Variants in EHMT1 observed in about 807,000 individuals in gnomAD.
EHMT1 encodes histone-lysine N-methyltransferase EHMT1.
A neutral mutation model predicts 147.2 loss-of-function variants in EHMT1; 15 were observed. The ratio of observed to expected loss-of-function variants is 0.10; its 90% confidence interval spans 0.07 to 0.16. The LOEUF is 0.16. EHMT1 is among the 10% of genes least tolerant of loss of function. The pLI is 1.00. For missense variants in EHMT1, 1,587 were observed against 1,772.4 expected (o/e 0.90, Z 1.88); for synonymous variants, 795 against 709.6 (o/e 1.12, Z -1.91).
At chr9:137,663,780 ATAAC>A (rs1939335565) in intron 1 of EHMT1, among the ~76,000 whole-genome samples, 1 of 152,158 alleles carries the variant, frequency 6.6e-6, no homozygotes, top group Admixed American at 6.5e-5. Context: ...AACAATGTCT[ATAAC>A]TAGCCTTCTG....
At chr9:137,822,379 G>A (rs1172390404) in intron 25 of EHMT1, among the ~76,000 whole-genome samples, 1 of 152,072 alleles carries the variant, frequency 6.6e-6, no homozygotes, top group Non-Finnish European at 1.5e-5. Flanking sequence ...TTTATTTCTC[G>A]AGTAAATGGG....
intron 1 of EHMT1, among the ~76,000 whole-genome samples, chr9:137,623,578 G>A (rs1843072169): frequency 6.6e-6 from 1 of 151,954 alleles, no homozygotes; most frequent in South Asian, 2.1e-4. Context: ...CCACGCCTGT[G>A]CCTGGCTAAT....
In EHMT1 at chr9:137,762,730, C is replaced by G. The variant is rs1376714202; in HGVS notation, c.1557C>G (p.Leu519=). The G allele has an allele frequency of 6.2e-7, 1 of 1,614,266 alleles. No individual in the cohort carries two copies. Among genetic ancestry groups the G allele is most frequent in the Non-Finnish European group, 8.5e-7 (1 of 1,180,046 alleles). ...CAGACGGCCTCCAGGAAGTGCCTCTCTGCAGCTGCCGGATGGAAACACCGA... is the reference window on the plus strand; with the variant it reads ...CAGACGGCCTCCAGGAAGTGCCTCTGTGCAGCTGCCGGATGGAAACACCGA... ...LETDGLQEVP[L]CSCRMETPKS... is the part of the protein sequence containing the mutation. The change falls in exon 10 of 27, where the codon CTC becomes CTG. Residue 519 remains leucine, a synonymous_variant. Coordinates refer to ENST00000460843, the MANE Select transcript of EHMT1 (RefSeq NM_024757.5).
chr9:137,772,885 C>G (rs1314274569), intron 10 of EHMT1, among the ~76,000 whole-genome samples: 4 of 152,172 alleles, frequency 2.6e-5, no homozygotes, highest in South Asian at 2.1e-4. Flanking sequence ...CCAACCCTAA[C>G]TGGATCCCAT....
intron 1 of EHMT1, among the ~76,000 whole-genome samples, chr9:137,635,482 T>C (rs1468824358): frequency 6.6e-6 from 1 of 151,780 alleles, no homozygotes; most frequent in East Asian, 2.0e-4. Flanking sequence ...CCCAAAGTGT[T>C]GGGATTACAG....
At chr9:137,698,306 G>T (rs189403889) in intron 1 of EHMT1, among the ~76,000 whole-genome samples, 50 of 152,360 alleles carry the variant, frequency 3.3e-4, no homozygotes, top group Admixed American at 1.3e-3. Flanking sequence ...CTGTGATGTA[G>T]ATGTATTATT....
chr9:137,787,584 G>C lies in EHMT1; in HGVS notation c.2383-3264G>C. 1 of 476,472 alleles carries C rather than the reference G, an allele frequency of 2.1e-6. No individual in the cohort carries two copies. Among genetic ancestry groups the C allele is most frequent in the Admixed American group, 3.4e-5 (1 of 29,766 alleles). The allele number at this position is 476,472 out of a possible 1,614,324, so 29.5% of individuals were successfully genotyped here. On this transcript the variant is annotated intron_variant, in intron 15 of 26. Coordinates refer to ENST00000460843, the MANE Select transcript of EHMT1 (RefSeq NM_024757.5). This position sits in a 1 kb window ranked among gnomAD's most constrained non-coding sequence, Gnocchi z 4.2. ...CTGGTGTTTCGAGGCTGCTGTGGTC[G>C]CAGACAACCGCCTCGCCTTGGCTCC... is the stretch of plus-strand genomic sequence containing the variant.
At position 137,641,196 on chromosome 9, in the gene EHMT1, A is replaced by G. The variant is rs190727670; in HGVS notation, c.21+22147A>G. On this transcript the variant is annotated intron_variant, in intron 1 of 26. Coordinates refer to ENST00000460843, the MANE Select transcript of EHMT1 (RefSeq NM_024757.5). ...GAATGGCCAGTAAACCAGGTGAAGA[A>G]CCTGTCTGGTTCCTCAGGATGCCTC... 253 of 418,812 alleles carry G rather than the reference A, an allele frequency of 6.0e-4. 4 individuals are homozygous for G. In the East Asian group the frequency reaches 0.016, roughly 26 times the overall value. The allele number at this position is 418,812 out of a possible 1,614,324, so 25.9% of individuals were successfully genotyped here. A position where few individuals can be genotyped will look rare whatever the true frequency, so the allele number is the denominator to read the frequency against.
At chr9:137,673,576 TCCCTCCCTCAGA>T (rs1473446557) in intron 1 of EHMT1, among the ~76,000 whole-genome samples, 1 of 152,060 alleles carries the variant, frequency 6.6e-6, no homozygotes, top group Non-Finnish European at 1.5e-5. Flanking sequence ...CATGTCTGTG[TCCCTCCCTCAGA>T]CCCGCACTCC....
chr9:137,657,341 A>C (rs1440231468), intron 1 of EHMT1, among the ~76,000 whole-genome samples: 1 of 152,006 alleles, frequency 6.6e-6, no homozygotes, highest in East Asian at 1.9e-4. Flanking sequence ...CTGTTTTAAC[A>C]GTGTCTTTCT....
At chr9:137,801,898 A>G (rs898023954) in intron 18 of EHMT1, among the ~76,000 whole-genome samples, 7 of 152,166 alleles carry the variant, frequency 4.6e-5, no homozygotes, top group Admixed American at 1.3e-4. Context: ...CTCCCAAAGG[A>G]TTACAGGCAT....
chr9:137,720,711 G>A (rs772564215), intron 3 of EHMT1, among the ~76,000 whole-genome samples: 2 of 152,138 alleles, frequency 1.3e-5, no homozygotes, highest in Admixed American at 6.5e-5. Flanking sequence ...TCATTAGCCC[G>A]TCCCGTTCTC....
intron 1 of EHMT1, among the ~76,000 whole-genome samples, chr9:137,710,069 C>T (rs556991334): frequency 1.9e-4 from 29 of 151,938 alleles, no homozygotes; most frequent in East Asian, 1.5e-3. Context: ...GCTGCTGCGT[C>T]GGGAGAGGCC....
intron 1 of EHMT1, among the ~76,000 whole-genome samples, chr9:137,707,851 G>A (rs1381312655): frequency 6.6e-6 from 1 of 152,104 alleles, no homozygotes; most frequent in Non-Finnish European, 1.5e-5. Context: ...GCCTCACAAG[G>A]TCTGCCCTGC....
At chr9:137,627,815 C>T (rs1009769357) in intron 1 of EHMT1, among the ~76,000 whole-genome samples, 9 of 151,600 alleles carry the variant, frequency 5.9e-5, no homozygotes, top group Non-Finnish European at 8.8e-5. Flanking sequence ...ATTCTCCTGC[C>T]TCATTACCCC....
rs375395806 is a variant in EHMT1 at position 137,811,571 on chromosome 9, G to A, written c.2823G>A (p.Ser941=). The part of the protein sequence containing the change: ...DLHAVNIHGD[S]PLHIAARENR... ...ACGCCGTGAACATCCACGGAGACTC[G>A]CCACTGCACATTGCCGCCCGGGAGA... Residue 941 remains serine, a synonymous_variant, in exon 19 of 27, where the codon TCG becomes TCA. Transcript: ENST00000460843. The A allele has an allele frequency of 1.7e-5, 28 of 1,606,908 alleles. No homozygotes were observed. In the East Asian group the frequency reaches 3.3e-4, roughly 19 times the overall value.
rs1447762518 is a variant in EHMT1 at position 137,732,573 on chromosome 9, G to A, written c.823+4044G>A. On this transcript the variant is annotated intron_variant, in intron 4 of 26. Transcript: ENST00000460843. The surrounding 1 kb of genome is among the most constrained non-coding windows in gnomAD (Gnocchi z 4.6). ...AATGGAGGAAGTGCATGAAGTGCAT[G>A]CTGATTGGTCCATGGGTAGGTCTGG... Among the ~76,000 whole-genome samples, 2 of 152,214 alleles carry A rather than the reference G, an allele frequency of 1.3e-5. No individual in the cohort carries two copies. Among genetic ancestry groups the A allele is most frequent in the Non-Finnish European group, 2.9e-5 (2 of 68,038 alleles).
intron 1 of EHMT1, among the ~76,000 whole-genome samples, chr9:137,704,762 TCCTGCCTTCCCTCCCTCCCG>T (rs1214237720): frequency 1.2e-4 from 18 of 148,674 alleles, no homozygotes; most frequent in South Asian, 2.1e-4. Context: ...TTTCCCTTCC[TCCTGCCTTCCCTCCCTCCCG>T]CCTGCCTTCC....
intron 1 of EHMT1, among the ~76,000 whole-genome samples, chr9:137,684,765 G>T (rs1047819990): frequency 6.6e-6 from 1 of 152,128 alleles, no homozygotes; most frequent in African/African-American, 2.4e-5. Context: ...TGCTGGGATT[G>T]TAGGCATGAG....
Sources: gnomAD v4.1 joint callset for allele counts (sites outside exome capture counted in the v4.1 genomes callset) on GRCh38, gnomAD v4.1.1 for gene constraint, Gnocchi (gnomAD v3.1) non-coding constraint, MANE v1.5 for transcripts, NCBI Gene and HGNC (gene_info 2026-07-23, HGNC 2026-07-21) for gene names.